CDH17: variants seen among roughly 807,000 people sequenced by gnomAD.
CDH17 encodes the protein cadherin-17.
A neutral mutation model predicts 86.3 loss-of-function variants in CDH17; 67 were observed. The ratio of observed to expected loss-of-function variants is 0.78; its 90% CI spans 0.64 to 0.95. CDH17 has a LOEUF of 0.95. Ranked by LOEUF, CDH17 falls within the 40% of genes least tolerant of loss-of-function variation. CDH17 has a pLI of 0.00. For synonymous variants in CDH17, 367 were observed against 366.4 expected, an observed-to-expected ratio of 1.00 and a Z score of -0.02; for missense variants, 993 against 1,017.6, an observed-to-expected ratio of 0.98 and a Z score of 0.33.
chr8:94,180,392 A>G (rs76272474), intron 3 of CDH17, among the ~76,000 whole-genome samples: 1 of 152,200 alleles, frequency 6.6e-6, no homozygotes, highest in Non-Finnish European at 1.5e-5. Context: ...AAACTTCACA[A>G]ATTTAAGAAA....
At chr8:94,189,786 A>G (rs766512969) in intron 2 of CDH17, among the ~76,000 whole-genome samples, 4 of 152,266 alleles carry the variant, frequency 2.6e-5, no homozygotes, top group Non-Finnish European at 4.4e-5. Flanking sequence ...AGACGTATTT[A>G]GTACAAAGTT....
At chr8:94,151,534 T>A (rs1812856324) in intron 13 of CDH17, among the ~76,000 whole-genome samples, 2 of 152,218 alleles carry the variant, frequency 1.3e-5, no homozygotes, top group South Asian at 4.1e-4. Flanking sequence ...CTAGCCTAGA[T>A]AACAGGCTTA....
intron 3 of CDH17, among the ~76,000 whole-genome samples, chr8:94,181,162 C>T (rs998831066): frequency 6.6e-6 from 1 of 152,004 alleles, no homozygotes; most frequent in African/African-American, 2.4e-5. Flanking sequence ...AACATATATG[C>T]ACCTAACAAT....
intron 1 of CDH17, among the ~76,000 whole-genome samples, chr8:94,200,537 GTTTTTTTTTTTTTTTT>G (rs10600702): frequency 3.5e-5 from 2 of 56,914 alleles, no homozygotes; most frequent in Non-Finnish European, 5.8e-5. Flanking sequence ...ATTATCTTTT[GTTTTTTTTTTTTTTTT>G]TTTTTTTTTT....
intron 17 of CDH17, among the ~76,000 whole-genome samples, chr8:94,129,007 A>G (rs1186192244): frequency 6.6e-6 from 1 of 152,222 alleles, no homozygotes; most frequent in Non-Finnish European, 1.5e-5. Flanking sequence ...TTAACCTGCT[A>G]GTAAGTTTAT....
At chr8:94,136,931 G>A (rs971530563) in intron 15 of CDH17, among the ~76,000 whole-genome samples, 3 of 152,176 alleles carry the variant, frequency 2.0e-5, no homozygotes, top group Admixed American at 6.5e-5. Context: ...GACCCTGTTT[G>A]CCTGGGTATC....
intron 1 of CDH17, among the ~76,000 whole-genome samples, chr8:94,199,032 CTGAT>C (rs1263592717): frequency 1.7e-5 from 2 of 116,910 alleles, no homozygotes; most frequent in Admixed American, 1.0e-4. Context: ...AGAGCCAGTT[CTGAT>C]TGATATATAT....
Position 94,130,722 on chromosome 8 carries a change from C to T in CDH17, c.2302G>A (p.Val768Met). 6.2e-7 allele frequency: 1 copy of T among 1,613,738 alleles called. No individual in the cohort carries two copies. The change falls in exon 17 of 18, where the codon GTG becomes ATG. Residue 768 changes from valine to methionine, a missense_variant. Coordinates refer to ENST00000027335, the MANE Select transcript of CDH17 (RefSeq NM_004063.4). The stretch of plus-strand genomic sequence containing the variant: ...GCTGGCCGGAAACAACTTCCTTCCA[C>T]ACAACTGCAGAATGTAACTGAAAAG... ...VSLPVTFCSC[V>M]EGSCFRPAGH...
chr8:94,156,920 G>A (rs1033151220), intron 12 of CDH17, among the ~76,000 whole-genome samples: 1 of 152,142 alleles, frequency 6.6e-6, no homozygotes, highest in African/African-American at 2.4e-5. Context: ...GGCCTGAGAG[G>A]TTACATCATT....
At chr8:94,206,422 G>A (rs1165705007) in intron 1 of CDH17, among the ~76,000 whole-genome samples, 1 of 152,158 alleles carries the variant, frequency 6.6e-6, no homozygotes, top group Non-Finnish European at 1.5e-5. Context: ...GCAATTTTAT[G>A]TCAAATCTAT....
intron 15 of CDH17, among the ~76,000 whole-genome samples, chr8:94,136,158 C>A (rs1167686883): frequency 2.6e-5 from 4 of 152,108 alleles, no homozygotes; most frequent in Admixed American, 2.0e-4. Context: ...CGAGGAGTAT[C>A]TTTGTGGTGG....
In CDH17 at chr8:94,174,157, A is replaced by T. The variant is rs201485647; in HGVS notation, c.528T>A (p.Asn176Lys). ...TGTTGTTGATCTGAAAGTACATGAC[A>T]TTGTTGATCATGGGAAGCTGGATGA... ...QIVIQLPMIN[N>K]VMYFQINNKT... The change falls in exon 6 of 18, where the codon AAT becomes AAA. Residue 176 changes from asparagine (N) to lysine (K), a missense_variant. Physicochemically the swap from Asn to Lys is moderately conservative, Grantham distance 94. Transcript: ENST00000027335. 29 of 1,613,578 alleles carry T rather than the reference A, an allele frequency of 1.8e-5. No homozygotes were observed. Among genetic ancestry groups the T allele is most frequent in the Non-Finnish European group, 2.4e-5 (28 of 1,179,748 alleles).
chr8:94,151,899 T>A lies in CDH17; in HGVS notation c.1765A>T (p.Thr589Ser). ...VAIGTKVGNVTAKDPEGLDIS... is the reference protein window; with the variant it reads ...VAIGTKVGNVSAKDPEGLDIS... The stretch of plus-strand genomic sequence containing the variant: ...TCCAGACCTTCTGGATCCTTGGCAG[T>A]CACATTGCCCACTTTAGTGCCTATA... The change falls in exon 13 of 18, where the codon ACT becomes TCT. Residue 589 changes from threonine (T) to serine (S), a missense_variant. Thr to Ser is a moderately conservative substitution (Grantham distance 58). Transcript: ENST00000027335. 1 of 1,614,204 alleles carries A rather than the reference T, an allele frequency of 6.2e-7. No homozygotes were observed. Among genetic ancestry groups the A allele is most frequent in the Non-Finnish European group, 8.5e-7 (1 of 1,180,032 alleles).
intron 15 of CDH17, among the ~76,000 whole-genome samples, chr8:94,145,610 A>C (rs1270605974): frequency 6.6e-6 from 1 of 152,138 alleles, no homozygotes; most frequent in Non-Finnish European, 1.5e-5. Flanking sequence ...TTGAATATAT[A>C]TATCTATCTC....
chr8:94,216,381 G>A (rs1335194633), intron 1 of CDH17, among the ~76,000 whole-genome samples: 1 of 152,100 alleles, frequency 6.6e-6, no homozygotes, highest in Non-Finnish European at 1.5e-5. Flanking sequence ...CCCTGCTTGG[G>A]AGAGACCATC....
At chr8:94,138,976 G>T (rs906201894) in intron 15 of CDH17, among the ~76,000 whole-genome samples, 3 of 152,046 alleles carry the variant, frequency 2.0e-5, no homozygotes, top group African/African-American at 7.2e-5. Context: ...ATAAAAAATT[G>T]CCAGACATTC....
chr8:94,128,353 A>T lies in CDH17; in HGVS notation c.2399-13T>A, dbSNP rs778071398. 4 of 1,515,462 alleles carry T rather than the reference A, an allele frequency of 2.6e-6. No homozygotes were observed. The highest frequency in any genetic ancestry group is 3.7e-6 in the Non-Finnish European group (4 of 1,093,276). 93.9% of individuals were successfully genotyped at this position (1,515,462 alleles called of 1,614,324 possible). ...GCTAAAATTATACCTAAAAGAAAAA[A>T]CCCAGGGTCAAATAAATGGGACCTT... On this transcript the variant is annotated splice_polypyrimidine_tract_variant and intron_variant, in intron 17 of 17. Coordinates refer to ENST00000027335, the MANE Select transcript of CDH17 (RefSeq NM_004063.4).
chr8:94,173,822 T>G lies in CDH17; in HGVS notation c.758A>C (p.Asp253Ala), dbSNP rs757515742. The G allele has an allele frequency of 6.2e-7, 1 of 1,613,790 alleles. No homozygotes were observed. Among genetic ancestry groups the G allele is most frequent in the Non-Finnish European group, 8.5e-7 (1 of 1,179,840 alleles). ...KPVEMVENST[D>A]PHPIKITQVR... ...CTGAGTGATTTTGATGGGGTGAGGA[T>G]CAGTTGAGTTTTCCACCATCTCCAC... The change falls in exon 7 of 18, where the codon GAT (aspartate) becomes GCT (alanine). Residue 253 changes from aspartate to alanine, a missense_variant. Physicochemically the swap from Asp to Ala is moderately radical, Grantham distance 126. Coordinates refer to ENST00000027335, the MANE Select transcript of CDH17 (RefSeq NM_004063.4).
At chr8:94,147,595 G>A (rs1254944432) in intron 14 of CDH17, among the ~76,000 whole-genome samples, 1 of 152,120 alleles carries the variant, frequency 6.6e-6, no homozygotes, top group Admixed American at 6.5e-5. Flanking sequence ...ATTAGAGACT[G>A]GTCAACATTG....
Sources: allele counts gnomAD v4.1 joint callset (sites outside exome capture counted in the v4.1 genomes callset), GRCh38; gene constraint gnomAD v4.1.1; transcripts MANE v1.5; gene names NCBI Gene and HGNC (gene_info 2026-07-23, HGNC 2026-07-21).